GGT5: variants seen among roughly 807,000 people sequenced by gnomAD.
GGT5 encodes the protein glutathione hydrolase 5 proenzyme.
Under a neutral mutation model 58.1 loss-of-function variants are expected in GGT5, and 50 were observed. That is an observed-to-expected ratio of 0.86 (90% CI 0.69 to 1.09). GGT5 has a LOEUF of 1.09. Among genes scored for constraint, GGT5 ranks in the 50% least tolerant of loss-of-function variants. The pLI is 0.00. For missense variants in GGT5, 800 were observed against 789.4 expected, an observed-to-expected ratio of 1.01 and a Z score of -0.16; for synonymous variants, 370 against 346.1, an observed-to-expected ratio of 1.07 and a Z score of -0.77.
At chr22:24,227,894 C>A (rs1335313301) in intron 6 of GGT5, among the ~76,000 whole-genome samples, 1 of 151,512 alleles carries the variant, frequency 6.6e-6, no homozygotes, top group South Asian at 2.1e-4. Context: ...TACAAAAATA[C>A]AAAAATTATC....
intron 1 of GGT5, among the ~76,000 whole-genome samples, chr22:24,237,992 C>T (rs1345164080): frequency 6.6e-6 from 1 of 151,936 alleles, no homozygotes; most frequent in Non-Finnish European, 1.5e-5. Context: ...CTTTGGAAGG[C>T]CAAGGTGGGT....
rs1478322480 is a variant in GGT5, at chr22:24,227,318, C to T, written c.902-551G>A. Among the ~76,000 whole-genome samples the T allele has an allele frequency of 2.0e-5, 3 of 149,700 alleles. No homozygotes were observed. The East Asian group carries it at 5.8e-4, about 29-fold the overall frequency. On this transcript the variant is annotated intron_variant, in intron 6 of 11. Coordinates refer to ENST00000327365, the MANE Select transcript of GGT5 (RefSeq NM_004121.5). ...GCTGGAGTGTGTGGCACGATCTCAG[C>T]TTACTGCAATCTCCACCTCCTGGGT...
intron 6 of GGT5, among the ~76,000 whole-genome samples, chr22:24,230,095 C>T (rs944782763): frequency 3.8e-4 from 57 of 151,694 alleles, no homozygotes; most frequent in African/African-American, 1.1e-3. Context: ...CATCTGGGCG[C>T]GGTGGCTCAT....
intron 1 of GGT5, among the ~76,000 whole-genome samples, chr22:24,237,782 A>T (rs1298315451): frequency 6.6e-6 from 1 of 152,242 alleles, no homozygotes; most frequent in Admixed American, 6.5e-5. Context: ...GACAGCAGGA[A>T]CAAAGCTCAT....
intron 1 of GGT5, chr22:24,244,315 A>G (rs1271863287): frequency 4.6e-6 from 2 of 439,154 alleles, no homozygotes; most frequent in Non-Finnish European, 8.2e-6. Context: ...ACACACACAC[A>G]CCCACCCACA....
chr22:24,229,092 C>A (rs2047861849), intron 6 of GGT5, among the ~76,000 whole-genome samples: 1 of 147,830 alleles, frequency 6.8e-6, no homozygotes, highest in Non-Finnish European at 1.5e-5. Context: ...AAAACTCCAT[C>A]TCCAGAAAAA....
Position 24,244,472 on chromosome 22 carries a change from A to T in GGT5, c.173+81T>A, listed in dbSNP as rs537670647. 41 of 349,970 alleles carry T rather than the reference A, an allele frequency of 1.2e-4. No homozygotes were observed. In the East Asian group the frequency reaches 1.2e-3, roughly 10 times the overall value. The allele number at this position is 349,970 out of a possible 1,614,324, so 21.7% of individuals were successfully genotyped here. A position where few individuals can be genotyped will look rare whatever the true frequency, so the allele number is the denominator to read the frequency against. ...CACACACCCACACATACATTCACTC[A>T]CACACACACACACACACACGCCTTC... On this transcript the variant is annotated intron_variant, in intron 1 of 11. Transcript: ENST00000327365.
At chr22:24,226,361 TC>T in intron 7 of GGT5, 95 bp from the exon 8 acceptor site, 1 of 948,816 alleles carries the variant, frequency 1.1e-6, no homozygotes, top group Non-Finnish European at 1.6e-6. Flanking sequence ...GGGGGCCACC[TC>T]CAGTCTGTCC....
At chr22:24,229,355 C>T (rs571186306) in intron 6 of GGT5, among the ~76,000 whole-genome samples, 1 of 150,126 alleles carries the variant, frequency 6.7e-6, no homozygotes, top group African/African-American at 2.5e-5. Flanking sequence ...TGTAGTGAAC[C>T]GAGACGCACC....
intron 6 of GGT5, among the ~76,000 whole-genome samples, chr22:24,228,124 G>T: frequency 6.7e-6 from 1 of 149,874 alleles, no homozygotes; most frequent in Non-Finnish European, 1.5e-5. Flanking sequence ...ATGAAGACAG[G>T]ACTCTCGTGC....
At chr22:24,239,015 A>G (rs1345767702) in intron 1 of GGT5, among the ~76,000 whole-genome samples, 1 of 116,778 alleles carries the variant, frequency 8.6e-6, no homozygotes, top group Non-Finnish European at 1.7e-5. Flanking sequence ...GTGCCCAAAG[A>G]TATTTTTTCC....
At chr22:24,238,166 T>C (rs1161745835) in intron 1 of GGT5, among the ~76,000 whole-genome samples, 1 of 147,792 alleles carries the variant, frequency 6.8e-6, no homozygotes, top group Non-Finnish European at 1.5e-5. Context: ...CAGGTGGAGG[T>C]TGCAGGAAGC....
At position 24,233,593 on chromosome 22, in the gene GGT5, C is replaced by G; in HGVS notation, c.305G>C (p.Gly102Ala). ...CCGGGCATTGATGACCTCCACCTTC[C>G]CTGGAGTAGGGCAGGGCAGGTGAGT... The part of the protein sequence containing the change: ...VIFTIYNVTT[G>A]KVEVINARET... The change falls in exon 3 of 12, where the codon GGG becomes GCG. Residue 102 changes from glycine (G) to alanine (A), a missense_variant and splice_region_variant. By Grantham distance (60) the Gly-to-Ala change is moderately conservative. Coordinates refer to ENST00000327365, the MANE Select transcript of GGT5 (RefSeq NM_004121.5). 1 of 1,598,562 alleles carries G rather than the reference C, an allele frequency of 6.3e-7. No homozygotes were observed. Among genetic ancestry groups the G allele is most frequent in the South Asian group, 1.1e-5 (1 of 90,040 alleles).
intron 1 of GGT5, among the ~76,000 whole-genome samples, chr22:24,240,835 A>G (rs1158472319): frequency 6.6e-6 from 1 of 152,166 alleles, no homozygotes; most frequent in Admixed American, 6.6e-5. Context: ...AAGTATTATT[A>G]GAGATAAGAG....
At chr22:24,228,116 G>A (rs2047832339) in intron 6 of GGT5, among the ~76,000 whole-genome samples, 1 of 144,204 alleles carries the variant, frequency 6.9e-6, no homozygotes. Context: ...GAAAGGCCAT[G>A]AAGACAGGAC....
Position 24,233,891 on chromosome 22 carries a change from A to G in GGT5, c.287T>C (p.Ile96Thr). 6.2e-7 allele frequency: 1 copy of G among 1,613,700 alleles called. No individual in the cohort carries two copies. Among genetic ancestry groups the G allele is most frequent in the Admixed American group, 1.7e-5 (1 of 60,008 alleles). The change falls in exon 2 of 12, where the codon ATC (isoleucine) becomes ACC (threonine). Residue 96 changes from isoleucine (I) to threonine (T), a missense_variant. Transcript: ENST00000327365. ...GGGCCCACCTGTTGTCACATTGTAG[A>G]TGGTGAAGATGACCCCTCCGCCCAG... is the stretch of plus-strand genomic sequence containing the variant. ...MGLGGGVIFT[I>T]YNVTTGKVEV...
chr22:24,238,136 C>T (rs1433653942), intron 1 of GGT5, among the ~76,000 whole-genome samples: 1 of 140,370 alleles, frequency 7.1e-6, no homozygotes, highest in East Asian at 2.2e-4. Context: ...GGCTGAGGCA[C>T]AAGAAACATT....
chr22:24,231,079 C>T (rs2047922724), intron 6 of GGT5, among the ~76,000 whole-genome samples: 1 of 152,184 alleles, frequency 6.6e-6, no homozygotes, highest in African/African-American at 2.4e-5. Context: ...GGCAGCTCAC[C>T]ACCCACACAG....
intron 1 of GGT5, among the ~76,000 whole-genome samples, chr22:24,237,697 G>C (rs978729588): frequency 6.6e-6 from 1 of 151,880 alleles, no homozygotes; most frequent in Non-Finnish European, 1.5e-5. Context: ...GTGAGCCACC[G>C]CACCCGGCCT....
Sources: allele counts gnomAD v4.1 joint callset (sites outside exome capture counted in the v4.1 genomes callset), GRCh38; gene constraint gnomAD v4.1.1; transcripts MANE v1.5; gene names NCBI Gene and HGNC (gene_info 2026-07-23, HGNC 2026-07-21).